OGDHL: variants seen among roughly 807,000 people sequenced by gnomAD.
OGDHL encodes oxoglutarate dehydrogenase L, also known as 2-oxoglutarate dehydrogenase-like, mitochondrial.
OGDHL carries 79 observed loss-of-function variants against 109.6 expected under a neutral mutation model. The ratio of observed to expected loss-of-function variants is 0.72; its 90% CI spans 0.60 to 0.87. The LOEUF is 0.87. Ranked by LOEUF, OGDHL falls within the 40% of genes least tolerant of loss-of-function variation. The pLI, the probability that OGDHL is intolerant of heterozygous loss-of-function variation, is 0.00. For missense variants in OGDHL, 1,275 were observed against 1,362.2 expected, an observed-to-expected ratio of 0.94 and a Z score of 1.01; for synonymous variants, 528 against 537.2, an observed-to-expected ratio of 0.98 and a Z score of 0.24.
rs768422749 is a variant in OGDHL at position 49,745,418 on chromosome 10, T to C, written c.1555A>G (p.Arg519Gly). The C allele has an allele frequency of 5.0e-6, 8 of 1,614,154 alleles. No homozygotes were observed. Among genetic ancestry groups the C allele is most frequent in the Non-Finnish European group, 5.1e-6 (6 of 1,180,032 alleles). Residue 519 changes from arginine (R) to glycine (G), a missense_variant, in exon 12 of 23, where the codon AGA becomes GGA. Arg to Gly is a moderately radical substitution (Grantham distance 125). Transcript: ENST00000374103. ...TACTTCTTCAGCACAGGCACCTGTC[T>C]GTGGATCTGCTTGTACATGAGCGGC... ...TQPLMYKQIH[R>G]QVPVLKKYAD... is the part of the protein sequence containing the mutation.
intron 3 of OGDHL, among the ~76,000 whole-genome samples, chr10:49,753,159 T>C (rs1045447441): frequency 6.6e-6 from 1 of 152,144 alleles, no homozygotes; most frequent in African/African-American, 2.4e-5. Context: ...CTCTAAAAAA[T>C]ATTGTTAAGC....
intron 10 of OGDHL, 79 bp from the exon 11 acceptor site, chr10:49,746,056 C>G: frequency 6.7e-7 from 1 of 1,495,536 alleles, no homozygotes. Context: ...GGAGACTGAG[C>G]AGGGGGATGC....
chr10:49,751,734 G>A, intron 6 of OGDHL, 93 bp downstream of exon 6: 4 of 1,473,458 alleles, frequency 2.7e-6, no homozygotes, highest in Non-Finnish European at 3.7e-6. Flanking sequence ...GCCTTCCTGT[G>A]GTACCCTCCT....
intron 15 of OGDHL, 136 bp from the exon 16 acceptor site, chr10:49,740,973 T>C: frequency 8.9e-7 from 1 of 1,121,484 alleles, no homozygotes. Flanking sequence ...TCCCACAACA[T>C]GGCATCCAAG....
rs1841588995 is a variant in OGDHL, at chr10:49,740,756, G to C, written c.2094C>G (p.Ala698=). The change falls in exon 16 of 23, where the codon GCC becomes GCG. Residue 698 remains alanine (A), a synonymous_variant. Transcript: ENST00000374103. ...VPMNHLWPDQ[A]PYTVCNSSLS... ...GGGAGCTGTTGCACACGGTGTACGGGGCCTGGTCAGGCCAGAGATGATTCA... is the reference window on the plus strand; with the variant it reads ...GGGAGCTGTTGCACACGGTGTACGGCGCCTGGTCAGGCCAGAGATGATTCA... 6.2e-7 allele frequency: 1 copy of C among 1,613,782 alleles called. No homozygotes were observed. The highest frequency in any genetic ancestry group is 8.5e-7 in the Non-Finnish European group (1 of 1,179,842).
chr10:49,758,905 C>A (rs576927919), intron 1 of OGDHL, among the ~76,000 whole-genome samples: 1 of 152,306 alleles, frequency 6.6e-6, no homozygotes, highest in East Asian at 1.9e-4. Context: ...ACATGAACTC[C>A]CCAGGCCCTG....
intron 3 of OGDHL, among the ~76,000 whole-genome samples, chr10:49,755,107 G>A (rs928026443): frequency 6.6e-5 from 10 of 152,186 alleles, no homozygotes; most frequent in Non-Finnish European, 1.5e-5. Flanking sequence ...AGCCAGGCGT[G>A]GTGGCAAGCA....
chr10:49,756,521 G>A (rs778846266), intron 3 of OGDHL: 11 of 344,956 alleles, frequency 3.2e-5, no homozygotes, highest in Admixed American at 4.7e-5. Flanking sequence ...CCACGTACTC[G>A]GGGCATGGTG....
chr10:49,759,988 C>T (rs1843169313), intron 1 of OGDHL, among the ~76,000 whole-genome samples: 1 of 152,224 alleles, frequency 6.6e-6, no homozygotes, highest in African/African-American at 2.4e-5. Flanking sequence ...CTGCCATCAG[C>T]TCAACCATGT....
rs777906340 is a variant in OGDHL, at chr10:49,750,798, TGGA to T, written c.896+38_896+40del. On this transcript the variant is annotated intron_variant, in intron 7 of 22. Transcript: ENST00000374103. ...TCTCTCCCACCTCTGTCCCCTGGGC[TGGA>T]GGAGAATGCGCAAGGCACAGCAGGG... 5.7e-5 allele frequency: 89 copies of T among 1,565,140 alleles called. No homozygotes were observed. In the African/African-American group the frequency reaches 6.1e-4, roughly 11 times the overall value.
At chr10:49,737,667 G>T in intron 20 of OGDHL, 119 bp downstream of exon 20, 1 of 1,079,592 alleles carries the variant, frequency 9.3e-7, no homozygotes, top group Non-Finnish European at 1.4e-6. Context: ...GCCAGGAGCT[G>T]CTGCAGGTCA....
In OGDHL at chr10:49,742,961, G is replaced by A. The variant is rs778901479; in HGVS notation, c.1879C>T (p.Arg627Trp). The stretch of plus-strand genomic sequence containing the variant: ...TTCTTGGTCATGTCCGCACGGCCCC[G>A]CAGAATGCGAGAGAGGCCTGTGGGA... The part of the protein sequence containing the change: ...KIHTGLSRIL[R>W]GRADMTKNRT... The change falls in exon 15 of 23, where the codon CGG becomes TGG. Residue 627 changes from arginine (R) to tryptophan (W), a missense_variant. Arg to Trp is a moderately radical substitution (Grantham distance 101, BLOSUM62 -3). Transcript: ENST00000374103. 23 of 1,613,276 alleles carry A rather than the reference G, an allele frequency of 1.4e-5. No individual in the cohort carries two copies. Among genetic ancestry groups the A allele is most frequent in the East Asian group, 6.7e-5 (3 of 44,876 alleles).
In OGDHL at chr10:49,745,807, G is replaced by A. The variant is rs1554819812; in HGVS notation, c.1467C>T (p.Val489=). ...EWRNTFNKDV[V]VDLVCYRRRG... ...CAGTCCCCAGACCCACCAGGTCCAC[G>A]ACAACATCTTTGTTGAAAGTGTTTC... The change falls in exon 11 of 23, where the codon GTC becomes GTT. Residue 489 remains valine (V), a synonymous_variant. Coordinates refer to ENST00000374103, the MANE Select transcript of OGDHL (RefSeq NM_018245.3). 28 of 1,614,044 alleles carry A rather than the reference G, an allele frequency of 1.7e-5. No homozygotes were observed. The highest frequency in any genetic ancestry group is 2.2e-5 in the East Asian group (1 of 44,868).
At chr10:49,753,841 G>A (rs1350969305) in intron 3 of OGDHL, among the ~76,000 whole-genome samples, 1 of 149,898 alleles carries the variant, frequency 6.7e-6, no homozygotes, top group Non-Finnish European at 1.5e-5. Flanking sequence ...AGTGAGCTGA[G>A]GTCGCACCAC....
At chr10:49,745,323 C>A in intron 12 of OGDHL, 21 bp downstream of exon 12, 4 of 1,611,750 alleles carry the variant, frequency 2.5e-6, no homozygotes, top group South Asian at 1.1e-5. Context: ...TCTTGGGCGC[C>A]CCTGCAGCCT....
intron 1 of OGDHL, among the ~76,000 whole-genome samples, chr10:49,761,601 G>A (rs927928937): frequency 6.6e-6 from 1 of 152,222 alleles, no homozygotes; most frequent in Admixed American, 6.5e-5. Context: ...GGGCCTGCTT[G>A]AGCCAGGTGG....
intron 6 of OGDHL, 108 bp downstream of exon 6, chr10:49,751,719 G>A (rs985844418): frequency 8.5e-6 from 12 of 1,413,096 alleles, no homozygotes; most frequent in Non-Finnish European, 1.2e-5. Context: ...GGCCGATCCA[G>A]TCCTGCCTTC....
chr10:49,735,099 T>C lies in OGDHL; in HGVS notation c.*129A>G, dbSNP rs11101223. ...CCAGCAGTGCTGGCTCTTGGCCCTGTCACTGTGTCTGTTTTATCCTGGGGC... is the reference window on the plus strand; with the variant it reads ...CCAGCAGTGCTGGCTCTTGGCCCTGCCACTGTGTCTGTTTTATCCTGGGGC... On this transcript the variant is annotated 3_prime_UTR_variant, in exon 23 of 23. Transcript: ENST00000374103. The C allele has an allele frequency of 1.7e-6, 2 of 1,181,752 alleles. No individual in the cohort carries two copies. The highest frequency in any genetic ancestry group is 2.4e-6 in the Non-Finnish European group (2 of 838,908). 73.2% of individuals were successfully genotyped at this position (1,181,752 alleles called of 1,614,324 possible).
chr10:49,747,826 CA>C (rs1271876471), intron 8 of OGDHL, among the ~76,000 whole-genome samples: 1 of 152,102 alleles, frequency 6.6e-6, no homozygotes, highest in Non-Finnish European at 1.5e-5. Flanking sequence ...TTTTACAAAT[CA>C]GGAAGATAAA....
Sources: gnomAD v4.1 joint callset for allele counts (sites outside exome capture counted in the v4.1 genomes callset) on GRCh38, gnomAD v4.1.1 for gene constraint, MANE v1.5 for transcripts, NCBI Gene and HGNC (gene_info 2026-07-23, HGNC 2026-07-21) for gene names.